Variants in ABCC8 observed in about 807,000 individuals in gnomAD.
ABCC8 encodes the protein ATP binding cassette subfamily C member 8, also known as ATP-binding cassette sub-family C member 8.
Under a neutral mutation model 188.0 loss-of-function variants are expected in ABCC8, and 137 were observed. The ratio of observed to expected loss-of-function variants is 0.73; its 90% CI spans 0.63 to 0.84. The LOEUF is 0.84. Ranked by LOEUF, ABCC8 falls within the 40% of genes least tolerant of loss-of-function variation. The pLI, the probability that ABCC8 is intolerant of heterozygous loss-of-function variation, is 0.00. For missense variants in ABCC8, 1,750 were observed against 2,072.7 expected (o/e 0.84, Z 3.02); for synonymous variants, 797 against 846.5 (o/e 0.94, Z 1.01).
At chr11:17,397,514 C>A (rs1954002367) in intron 31 of ABCC8, 170 bp downstream of exon 31, 2 of 1,404,174 alleles carry the variant, frequency 1.4e-6, no homozygotes, top group Non-Finnish European at 1.9e-6. Flanking sequence ...CTGTCTGGGG[C>A]CTGGGCCCTG....
chr11:17,402,661 C>T lies in ABCC8; in HGVS notation c.3650G>A (p.Arg1217Lys). 10 of 1,614,214 alleles carry T rather than the reference C, an allele frequency of 6.2e-6. No homozygotes were observed. The highest frequency in any genetic ancestry group is 8.5e-6 in the Non-Finnish European group (10 of 1,180,046). The change falls in exon 29 of 39, where the codon AGG becomes AAG. Residue 1217 changes from arginine (R) to lysine (K), a missense_variant and splice_region_variant. By Grantham distance (26) the Arg-to-Lys change is conservative. Transcript: ENST00000389817. ...ACCTTGGGGGAATGTGGACTCGTAC[C>T]TGAAGGCCCGGATGGTGGTGAGTCC... ...VEGLTTIRAFRYEARFQQKLL... is the reference protein window; with the variant it reads ...VEGLTTIRAFKYEARFQQKLL...
chr11:17,396,001 G>A (rs928824925), intron 33 of ABCC8, 71 bp from the exon 34 acceptor site: 70 of 1,547,968 alleles, frequency 4.5e-5, no homozygotes, highest in Middle Eastern at 1.7e-4. Context: ...TGCTAGCTCT[G>A]GGTGTGTGTG....
chr11:17,476,588 C>T, intron 1 of ABCC8, 41 bp downstream of exon 1: 1 of 1,602,224 alleles, frequency 6.2e-7, no homozygotes, highest in Non-Finnish European at 8.5e-7. Context: ...TCCCTCCCTG[C>T]TCTCCCGTCC....
intron 10 of ABCC8, 127 bp downstream of exon 10, chr11:17,442,593 C>T (rs1956358356): frequency 1.1e-6 from 1 of 936,176 alleles, no homozygotes; most frequent in Non-Finnish European, 1.8e-6. Context: ...TTGAGGCTCC[C>T]CTACTGAGTC....
chr11:17,430,438 A>G (rs73423065), intron 12 of ABCC8: 19,193 of 356,612 alleles, frequency 0.054, 716 homozygotes, highest in African/African-American at 0.12. Context: ...TCTGATATCC[A>G]TGGGGCAGCC....
chr11:17,444,462 G>T (rs1238126494), intron 8 of ABCC8: 1 of 152,216 alleles, frequency 6.6e-6, no homozygotes, highest in Non-Finnish European at 1.5e-5. Flanking sequence ...TTGTGAGCCG[G>T]TGTCTGCACC....
intron 29 of ABCC8, among the ~76,000 whole-genome samples, chr11:17,401,564 A>G (rs1163021863): frequency 1.3e-5 from 2 of 152,084 alleles, no homozygotes; most frequent in South Asian, 2.1e-4. Flanking sequence ...CTTGTGCCCT[A>G]TGGTTACTCC....
Position 17,430,800 on chromosome 11 carries a change from G to A in ABCC8, c.1817+14C>T, listed in dbSNP as rs779828287. 6 of 1,613,772 alleles carry A rather than the reference G, an allele frequency of 3.7e-6. No homozygotes were observed. Among genetic ancestry groups the A allele is most frequent in the Admixed American group, 1.7e-5 (1 of 60,026 alleles). Reference sequence around the variant, plus strand: ...CCTGCCTGCCCAGTGCCCTCGCCCGGACCCTCCCCTCACCTCACTAGAGCT... The same window carrying A: ...CCTGCCTGCCCAGTGCCCTCGCCCGAACCCTCCCCTCACCTCACTAGAGCT... On this transcript the variant is annotated intron_variant, in intron 12 of 38. Transcript: ENST00000389817.
rs1190070445 is a variant in ABCC8, at chr11:17,427,022, A to G, written c.2222+27T>C. ...ATGGTTAAAAGGAGATTTCCCCTCC[A>G]CTGGGCCCTGAGGATACATGTATTA... On this transcript the variant is annotated intron_variant, in intron 16 of 38. Coordinates refer to ENST00000389817, the MANE Select transcript of ABCC8 (RefSeq NM_000352.6). The surrounding 1 kb of genome is among the most constrained non-coding windows in gnomAD (Gnocchi z 5.0). The G allele has an allele frequency of 1.8e-5, 29 of 1,611,862 alleles. No homozygotes were observed. The highest frequency in any genetic ancestry group is 2.3e-5 in the Non-Finnish European group (27 of 1,178,886).
At chr11:17,420,414 G>A (rs1028724768) in intron 16 of ABCC8, among the ~76,000 whole-genome samples, 5 of 152,142 alleles carry the variant, frequency 3.3e-5, no homozygotes, top group African/African-American at 1.2e-4. Context: ...TCCCATGGCT[G>A]GACAGTCACT....
intron 16 of ABCC8, among the ~76,000 whole-genome samples, chr11:17,418,396 GT>G (rs768432602): frequency 6.6e-6 from 1 of 152,130 alleles, no homozygotes; most frequent in Non-Finnish European, 1.5e-5. Flanking sequence ...TGGGTATGTA[GT>G]CCCCAGTCCC....
rs1352924026 is a variant in ABCC8, at chr11:17,461,921, C to T, written c.580-96G>A. 3.8e-6 allele frequency: 6 copies of T among 1,574,632 alleles called. No homozygotes were observed. The Middle Eastern group carries it at 5.0e-4, about 132-fold the overall frequency. On this transcript the variant is annotated intron_variant, in intron 4 of 38. Coordinates refer to ENST00000389817, the MANE Select transcript of ABCC8 (RefSeq NM_000352.6). ...GGATCTGGGGTTGTGATATTCCACA[C>T]TTGATCTCTAACAGATGGGGCCATC...
Position 17,453,065 on chromosome 11 carries a change from A to G in ABCC8, c.1176+54T>C, listed in dbSNP as rs1297424824. The G allele has an allele frequency of 3.4e-6, 5 of 1,449,954 alleles. No homozygotes were observed. In the Admixed American group the frequency reaches 8.4e-5, roughly 24 times the overall value. The allele number at this position is 1,449,954 out of a possible 1,614,324, so 89.8% of individuals were successfully genotyped here. ...ATGAGGATGAATAACACTCATGGAC[A>G]TTATTCCTAATAATGGTTCTTATGG... is the stretch of plus-strand genomic sequence containing the variant. On this transcript the variant is annotated intron_variant, in intron 7 of 38. Coordinates refer to ENST00000389817, the MANE Select transcript of ABCC8 (RefSeq NM_000352.6).
At chr11:17,392,744 G>T, downstream of ABCC8, 1 of 556,686 alleles carries the variant, frequency 1.8e-6, no homozygotes, top group South Asian at 2.0e-5. Flanking sequence ...TGGCAGCCTG[G>T]CTGACTAATA....
chr11:17,424,354 T>G (rs1955488623), intron 16 of ABCC8, among the ~76,000 whole-genome samples: 3 of 152,202 alleles, frequency 2.0e-5, no homozygotes, highest in Admixed American at 2.0e-4. Flanking sequence ...AAGAAGTGCT[T>G]AGGGTCCTCT....
intron 26 of ABCC8, 92 bp from the exon 27 acceptor site, chr11:17,405,655 C>A: frequency 6.2e-7 from 1 of 1,600,008 alleles, no homozygotes; most frequent in Non-Finnish European, 8.5e-7. Flanking sequence ...ATGTAAGTGT[C>A]TCTGGAGTCA....
At position 17,427,627 on chromosome 11, in the gene ABCC8, T is replaced by G. The variant is rs960200568; in HGVS notation, c.2116+240A>C. On this transcript the variant is annotated intron_variant, in intron 15 of 38. Coordinates refer to ENST00000389817, the MANE Select transcript of ABCC8 (RefSeq NM_000352.6). The surrounding 1 kb of genome is among the most constrained non-coding windows in gnomAD (Gnocchi z 5.0). ...TGATCTTTTTGTGCATTACCTATAC[T>G]GTCTGCAATGGATGGTTTGACATTA... is the stretch of plus-strand genomic sequence containing the variant. Among the ~76,000 whole-genome samples the G allele has an allele frequency of 2.6e-5, 4 of 152,230 alleles. No individual in the cohort carries two copies. The highest frequency in any genetic ancestry group is 9.6e-5 in the African/African-American group (4 of 41,464).
intron 14 of ABCC8, 165 bp from the exon 15 acceptor site, chr11:17,428,107 C>T: frequency 6.4e-7 from 1 of 1,573,782 alleles, no homozygotes; most frequent in Non-Finnish European, 8.6e-7. Flanking sequence ...TCATGCTGAC[C>T]CTTGCCTAAG....
rs574057497 is a variant in ABCC8, at chr11:17,475,930, C to G, written c.148+699G>C. 1.6e-4 allele frequency among the ~76,000 whole-genome samples: 25 copies of G among 152,330 alleles called. No individual in the cohort carries two copies. The Middle Eastern group carries it at 0.01, about 62-fold the overall frequency. Reference sequence around the variant, plus strand: ...AGTGGAGAGGCACGCACGATTGTCCCGGCCGTGGCGCCCAACTTTGCAAGC... The same window carrying G: ...AGTGGAGAGGCACGCACGATTGTCCGGGCCGTGGCGCCCAACTTTGCAAGC... On this transcript the variant is annotated intron_variant, in intron 1 of 38. Transcript: ENST00000389817.
Sources: gnomAD v4.1 joint callset for allele counts (sites outside exome capture counted in the v4.1 genomes callset) on GRCh38, gnomAD v4.1.1 for gene constraint, Gnocchi (gnomAD v3.1) non-coding constraint, MANE v1.5 for transcripts, NCBI Gene and HGNC (gene_info 2026-07-23, HGNC 2026-07-21) for gene names.